The following DGKI variants were observed in gnomAD, a reference collection of about 807,000 sequenced individuals.
The protein encoded by DGKI is DAG kinase iota.
A neutral mutation model predicts 147.5 loss-of-function variants in DGKI; 55 were observed. The observed-to-expected ratio is 0.37, with a 90% confidence interval of 0.30 to 0.47. The LOEUF (loss-of-function observed/expected upper bound fraction) is 0.47, where lower values mean the gene tolerates loss of function less well. Ranked by LOEUF, DGKI falls within the 20% of genes least tolerant of loss-of-function variation. The pLI is 1.00. For synonymous variants in DGKI, 469 were observed against 477.1 expected (o/e 0.98, Z 0.22); for missense variants, 1,007 against 1,323.8 (o/e 0.76, Z 3.71).
rs1187145992 is a variant in DGKI at position 137,430,070 on chromosome 7, C to A, written c.2761+14007G>T. On this transcript the variant is annotated intron_variant, in intron 28 of 32. Transcript: ENST00000614521. ...CATTACTGGGTATATACCCAAAGGACTATAAATCATGCTGCTATAAAGACA... is the reference window on the plus strand; with the variant it reads ...CATTACTGGGTATATACCCAAAGGAATATAAATCATGCTGCTATAAAGACA... Among the ~76,000 whole-genome samples the A allele has an allele frequency of 1.7e-5, 2 of 117,574 alleles. 1 individual carries two copies. The highest frequency in any genetic ancestry group is 3.5e-5 in the Non-Finnish European group (2 of 57,164). 77.1% of individuals were successfully genotyped at this position (117,574 alleles called of 152,430 possible). A position where few individuals can be genotyped will look rare whatever the true frequency, so the allele number is the denominator to read the frequency against.
At chr7:137,656,876 A>G (rs17169366) in intron 3 of DGKI, among the ~76,000 whole-genome samples, 4,250 of 152,256 alleles carry the variant, frequency 0.028, 220 homozygotes, top group African/African-American at 0.098. Flanking sequence ...GAACCTTACA[A>G]TATAGGCATT....
chr7:137,704,293 G>C (rs117247087), intron 1 of DGKI, among the ~76,000 whole-genome samples: 1,658 of 152,254 alleles, frequency 0.011, 19 homozygotes, highest in South Asian at 0.043. Flanking sequence ...TTATCAAATA[G>C]AGAATATCAA....
At chr7:137,714,283 G>A (rs923765654) in intron 1 of DGKI, among the ~76,000 whole-genome samples, 2 of 151,442 alleles carry the variant, frequency 1.3e-5, no homozygotes, top group African/African-American at 2.4e-5. Context: ...TTCCTTTCAA[G>A]GTTAAAAAAA....
intron 28 of DGKI, among the ~76,000 whole-genome samples, chr7:137,421,257 T>C (rs1429426435): frequency 6.6e-6 from 1 of 152,226 alleles, no homozygotes; most frequent in Non-Finnish European, 1.5e-5. Flanking sequence ...CATTAGATAC[T>C]ACGGTGGCTT....
chr7:137,812,916 T>G (rs1797633473), intron 1 of DGKI, among the ~76,000 whole-genome samples: 1 of 152,160 alleles, frequency 6.6e-6, no homozygotes, highest in Non-Finnish European at 1.5e-5. Context: ...ACTGAACCTC[T>G]CAAATCATTG....
intron 1 of DGKI, among the ~76,000 whole-genome samples, chr7:137,770,779 C>T (rs1279501491): frequency 2.0e-5 from 1 of 49,168 alleles, no homozygotes; most frequent in Non-Finnish European, 3.4e-5. Context: ...GTGATCCGCC[C>T]GCCTCGGCCT....
intron 20 of DGKI, among the ~76,000 whole-genome samples, chr7:137,540,761 CCAAAAAAAAAAAA>C (rs1817667098): frequency 4.2e-4 from 15 of 35,540 alleles, no homozygotes; most frequent in South Asian, 1.1e-3. Flanking sequence ...AAAAACCCCC[CCAAAAAAAAAAAA>C]AAAAAAAAAA....
intron 10 of DGKI, among the ~76,000 whole-genome samples, chr7:137,603,359 G>T (rs1217159116): frequency 1.3e-5 from 2 of 152,124 alleles, no homozygotes; most frequent in African/African-American, 4.8e-5. Flanking sequence ...TATCATGCAG[G>T]CATTATCTAG....
At chr7:137,707,699 G>C (rs1315346707) in intron 1 of DGKI, among the ~76,000 whole-genome samples, 4 of 152,128 alleles carry the variant, frequency 2.6e-5, no homozygotes, top group Non-Finnish European at 4.4e-5. Flanking sequence ...TAAGTTTCCT[G>C]AGGCCTCCTC....
chr7:137,488,666 T>C (rs1275439752), intron 21 of DGKI, among the ~76,000 whole-genome samples: 1 of 152,216 alleles, frequency 6.6e-6, no homozygotes, highest in Non-Finnish European at 1.5e-5. Context: ...AAGAATTTTT[T>C]ACAATCGTTC....
At chr7:137,605,886 C>A (rs140593462) in intron 10 of DGKI, among the ~76,000 whole-genome samples, 19 of 152,232 alleles carry the variant, frequency 1.2e-4, no homozygotes, top group African/African-American at 4.3e-4. Flanking sequence ...GAAATAGGTT[C>A]TAGTGTTTGC....
chr7:137,596,776 T>G (rs1239363220), intron 12 of DGKI, among the ~76,000 whole-genome samples: 1 of 152,214 alleles, frequency 6.6e-6, no homozygotes, highest in African/African-American at 2.4e-5. Flanking sequence ...CTCATTGCAT[T>G]TATTGGTATA....
At chr7:137,626,708 G>A (rs925367773) in intron 6 of DGKI, among the ~76,000 whole-genome samples, 1 of 152,136 alleles carries the variant, frequency 6.6e-6, no homozygotes, top group Non-Finnish European at 1.5e-5. Flanking sequence ...GCAGAAGCCG[G>A]GGTGAGACCC....
chr7:137,463,731 G>A (rs1814543506), intron 26 of DGKI, 120 bp from the exon 27 acceptor site: 1 of 1,135,222 alleles, frequency 8.8e-7, no homozygotes, highest in South Asian at 1.6e-5. Flanking sequence ...TCTTTATGAA[G>A]TGTTTACCAG....
intron 12 of DGKI, among the ~76,000 whole-genome samples, chr7:137,588,312 G>A (rs1819480605): frequency 6.6e-6 from 1 of 151,984 alleles, no homozygotes; most frequent in Admixed American, 6.6e-5. Context: ...TACGAGTCAT[G>A]TTTCTCAAAA....
At chr7:137,392,236 G>A (rs1016741976) in intron 32 of DGKI, among the ~76,000 whole-genome samples, 5 of 151,776 alleles carry the variant, frequency 3.3e-5, no homozygotes, top group Non-Finnish European at 5.9e-5. Context: ...ACATATATTT[G>A]TATATATATA....
chr7:137,846,732 G>A lies in DGKI; in HGVS notation c.131C>T (p.Pro44Leu). The A allele has an allele frequency of 9.9e-7, 1 of 1,013,206 alleles. No homozygotes were observed. The highest frequency in any genetic ancestry group is 1.2e-6 in the Non-Finnish European group (1 of 850,780). The allele number at this position is 1,013,206 out of a possible 1,614,324, so 62.8% of individuals were successfully genotyped here. ...PGPCSGAACAPSAAAGAGAMN... is the reference protein window; with the variant it reads ...PGPCSGAACALSAAAGAGAMN... ...GGCGCCCGCTCCGGCGGCCGCGGAG[G>A]GAGCGCAGGCGGCGCCGCTGCAGGG... Residue 44 changes from proline (P) to leucine (L), a missense_variant, in exon 1 of 33, where the codon CCC (proline) becomes CTC (leucine). By Grantham distance (98) the Pro-to-Leu change is moderately conservative. Transcript: ENST00000614521. The surrounding 1 kb of genome is among the most constrained non-coding windows in gnomAD (Gnocchi z 4.0).
intron 3 of DGKI, among the ~76,000 whole-genome samples, chr7:137,674,851 T>C (rs1822976143): frequency 6.6e-6 from 1 of 152,170 alleles, no homozygotes. Flanking sequence ...CACTGACTTC[T>C]TCCTTCTCTT....
intron 6 of DGKI, among the ~76,000 whole-genome samples, chr7:137,638,595 C>CATATATTT (rs1563125762): frequency 1.1e-4 from 1 of 8,778 alleles, no homozygotes; most frequent in African/African-American, 3.0e-4. Context: ...CACATATATA[C>CATATATTT]ATATATGTAT....
Sources: gnomAD v4.1 joint callset for allele counts (sites outside exome capture counted in the v4.1 genomes callset) on GRCh38, gnomAD v4.1.1 for gene constraint, Gnocchi (gnomAD v3.1) non-coding constraint, MANE v1.5 for transcripts, NCBI Gene and HGNC (gene_info 2026-07-23, HGNC 2026-07-21) for gene names.